The following ZFAT variants were observed in gnomAD, a reference collection of about 807,000 sequenced individuals.
ZFAT encodes the protein zinc finger and AT-hook domain containing, also known as zinc finger protein ZFAT.
ZFAT carries 64 observed loss-of-function variants against 117.7 expected under a neutral mutation model. The observed-to-expected ratio is 0.54, with a 90% confidence interval of 0.44 to 0.67. The LOEUF (loss-of-function observed/expected upper bound fraction) is 0.67, where lower values mean the gene tolerates loss of function less well. Among genes scored for constraint, ZFAT ranks in the 30% least tolerant of loss-of-function variants. The pLI is 0.00. For missense variants in ZFAT, 1,433 were observed against 1,584.5 expected, an observed-to-expected ratio of 0.90 and a Z score of 1.62; for synonymous variants, 679 against 615.0, an observed-to-expected ratio of 1.10 and a Z score of -1.54.
intron 1 of ZFAT, among the ~76,000 whole-genome samples, chr8:134,705,852 T>C (rs1834138054): frequency 6.6e-6 from 1 of 152,104 alleles, no homozygotes; most frequent in South Asian, 2.1e-4. Flanking sequence ...TTTATTAAAA[T>C]AGCCCAAAGA....
rs1242248890 is a variant in ZFAT at position 134,704,863 on chromosome 8, T to G, written c.19+7982A>C. Among the ~76,000 whole-genome samples the G allele has an allele frequency of 1.5e-4, 23 of 151,406 alleles. 1 individual carries two copies. Among genetic ancestry groups the G allele is most frequent in the Admixed American group, 1.5e-3 (23 of 15,210 alleles). ...ACACAAACTTATTAGAGATAGACAG[T>G]AGACCTAACAAAAGCAAGAAATATA... On this transcript the variant is annotated intron_variant, in intron 1 of 15. Transcript: ENST00000377838.
intron 1 of ZFAT, among the ~76,000 whole-genome samples, chr8:134,704,521 C>A (rs1041796363): frequency 2.0e-5 from 3 of 152,232 alleles, no homozygotes; most frequent in Admixed American, 2.0e-4. Flanking sequence ...ACAGCCTGGA[C>A]TGCACTAGGA....
rs1389850097 is a variant in ZFAT, at chr8:134,589,625, C to T, written c.2563+643G>A. 2.6e-5 allele frequency among the ~76,000 whole-genome samples: 4 copies of T among 152,308 alleles called. No homozygotes were observed. In the East Asian group the frequency reaches 7.7e-4, roughly 29 times the overall value. ...CTGGAGAGTCACAGTGACTTGAGCA[C>T]AGCGGTCAGTGCGCCCTGTGTGACG... On this transcript the variant is annotated intron_variant, in intron 8 of 15. Coordinates refer to ENST00000377838, the MANE Select transcript of ZFAT (RefSeq NM_020863.4).
At chr8:134,682,523 C>T (rs773962070) in intron 1 of ZFAT, among the ~76,000 whole-genome samples, 3 of 152,074 alleles carry the variant, frequency 2.0e-5, no homozygotes, top group East Asian at 1.9e-4. Flanking sequence ...GGTGTGGTGG[C>T]GCCTGCCTGT....
chr8:134,744,961 C>T, the ZFAT span, among the ~76,000 whole-genome samples: 4 of 151,700 alleles, frequency 2.6e-5, no homozygotes, highest in African/African-American at 9.7e-5. Context: ...GATCGCCTGA[C>T]CTCGTGATCC....
At chr8:134,560,808 G>T (rs986708541) in intron 11 of ZFAT, among the ~76,000 whole-genome samples, 8 of 152,206 alleles carry the variant, frequency 5.3e-5, no homozygotes, top group African/African-American at 1.9e-4. Context: ...AGAAAGCAAA[G>T]AGTTGAATAG....
At chr8:134,705,207 T>G (rs1834117146) in intron 1 of ZFAT, among the ~76,000 whole-genome samples, 3 of 152,114 alleles carry the variant, frequency 2.0e-5, no homozygotes. Context: ...TACTTACCTA[T>G]TTATTTATTT....
intron 12 of ZFAT, among the ~76,000 whole-genome samples, chr8:134,524,531 C>A (rs1463045871): frequency 6.6e-6 from 1 of 152,186 alleles, no homozygotes; most frequent in Non-Finnish European, 1.5e-5. Context: ...AAACTATGGA[C>A]AATTTTCCTC....
the ZFAT span, among the ~76,000 whole-genome samples, chr8:134,806,338 G>A: frequency 2.8e-4 from 43 of 152,238 alleles, 1 homozygote; most frequent in Middle Eastern, 0.017. Context: ...TATAAATAAT[G>A]CTGGAAATAA....
chr8:134,752,425 A>G, the ZFAT span, among the ~76,000 whole-genome samples: 1 of 152,210 alleles, frequency 6.6e-6, no homozygotes, highest in African/African-American at 2.4e-5. Flanking sequence ...AGATGTCTCT[A>G]TTGACTGTTA....
the ZFAT span, among the ~76,000 whole-genome samples, chr8:134,803,594 C>T: frequency 7.2e-5 from 11 of 152,168 alleles, no homozygotes; most frequent in African/African-American, 2.7e-4. Context: ...TAAACTACTA[C>T]TCTAACAAAA....
At chr8:134,643,637 C>T (rs1032343468) in intron 2 of ZFAT, among the ~76,000 whole-genome samples, 1 of 152,204 alleles carries the variant, frequency 6.6e-6, no homozygotes, top group African/African-American at 2.4e-5. Context: ...GCAGGCTGTA[C>T]CCTGTGTGAG....
chr8:134,543,682 C>A (rs1822456053), intron 11 of ZFAT, among the ~76,000 whole-genome samples: 1 of 152,116 alleles, frequency 6.6e-6, no homozygotes, highest in Non-Finnish European at 1.5e-5. Context: ...CTAGATGACA[C>A]CAAAGTGAGA....
intron 11 of ZFAT, among the ~76,000 whole-genome samples, chr8:134,554,180 T>G (rs544309561): frequency 3.9e-5 from 6 of 152,276 alleles, no homozygotes; most frequent in Admixed American, 3.9e-4. Flanking sequence ...TCAAGTTCTG[T>G]GTATGTTGGA....
chr8:134,702,428 C>T (rs548262416), intron 1 of ZFAT, among the ~76,000 whole-genome samples: 5 of 152,292 alleles, frequency 3.3e-5, no homozygotes, highest in East Asian at 3.9e-4. Flanking sequence ...AATTCCCACA[C>T]GTTGTAGGAG....
chr8:134,494,034 T>C (rs1289906045), intron 15 of ZFAT, among the ~76,000 whole-genome samples: 1 of 152,150 alleles, frequency 6.6e-6, no homozygotes, highest in Non-Finnish European at 1.5e-5. Context: ...TTGACTTTCT[T>C]CCCCTTTAAG....
At chr8:134,818,577 A>G in the ZFAT span, among the ~76,000 whole-genome samples, 1 of 152,248 alleles carries the variant, frequency 6.6e-6, no homozygotes, top group African/African-American at 2.4e-5. Flanking sequence ...CATATGATTC[A>G]GTCATTCTAC....
chr8:134,731,968 G>A, the ZFAT span, among the ~76,000 whole-genome samples: 1 of 152,314 alleles, frequency 6.6e-6, no homozygotes, highest in South Asian at 2.1e-4. Context: ...CCCAGAGTGG[G>A]TACAAACTTA....
intron 11 of ZFAT, among the ~76,000 whole-genome samples, chr8:134,553,461 C>A (rs143281215): frequency 6.6e-6 from 1 of 152,152 alleles, no homozygotes; most frequent in Non-Finnish European, 1.5e-5. Context: ...CGAGATCGCG[C>A]CACTGCACTA....
Sources: gnomAD v4.1 joint callset for allele counts (sites outside exome capture counted in the v4.1 genomes callset) on GRCh38, gnomAD v4.1.1 for gene constraint, MANE v1.5 for transcripts, NCBI Gene and HGNC (gene_info 2026-07-23, HGNC 2026-07-21) for gene names.